Variants in FAM8A1 observed in about 807,000 individuals in gnomAD.
FAM8A1 encodes the protein protein FAM8A1.
Under a neutral mutation model 38.3 loss-of-function variants are expected in FAM8A1, and 18 were observed. The observed-to-expected ratio is 0.47, with a 90% CI of 0.33 to 0.70. The LOEUF (loss-of-function observed/expected upper bound fraction) is 0.70. FAM8A1 is among the 30% of genes least tolerant of loss of function. FAM8A1 has a pLI of 0.03. For missense variants in FAM8A1, 559 were observed against 559.6 expected, an observed-to-expected ratio of 1.00 and a Z score of 0.01; for synonymous variants, 246 against 234.4, an observed-to-expected ratio of 1.05 and a Z score of -0.45.
intron 1 of FAM8A1, 26 bp from the exon 2 acceptor site, chr6:17,602,564 A>G (rs1581639871): frequency 1.4e-6 from 2 of 1,417,692 alleles, no homozygotes; most frequent in Non-Finnish European, 1.9e-6. Context: ...CGTTTTTCCT[A>G]ACTTTTTTTT....
chr6:17,606,025 T>C lies in FAM8A1; in HGVS notation c.1097+12T>C. ...GTTAGCATTACAACGTAAGTCCTTT[T>C]CTTAGCTTAATCTACTACATACTTA... is the stretch of plus-strand genomic sequence containing the variant. On this transcript the variant is annotated intron_variant, in intron 4 of 4. Transcript: ENST00000259963. 6.7e-7 allele frequency: 1 copy of C among 1,493,258 alleles called. No individual in the cohort carries two copies. The highest frequency in any genetic ancestry group is 1.3e-5 in the South Asian group (1 of 77,256). 92.5% of individuals were successfully genotyped at this position (1,493,258 alleles called of 1,614,324 possible).
In FAM8A1 at chr6:17,605,112, G is replaced by C; in HGVS notation, c.957+83G>C. The C allele has an allele frequency of 2.4e-6, 3 of 1,251,214 alleles. No individual in the cohort carries two copies. In the African/African-American group the frequency reaches 4.6e-5, roughly 19 times the overall value. The allele number at this position is 1,251,214 out of a possible 1,614,324, so 77.5% of individuals were successfully genotyped here. A position where few individuals can be genotyped will look rare whatever the true frequency, so the allele number is the denominator to read the frequency against. On this transcript the variant is annotated intron_variant, in intron 3 of 4. Coordinates refer to ENST00000259963, the MANE Select transcript of FAM8A1 (RefSeq NM_016255.3). ...ATTTATTTTTTTGAGACAGAGTCTC[G>C]CTCTGTCACCCAGGCTGGAGTGCAG...
chr6:17,600,360 AG>A lies in FAM8A1; in HGVS notation c.-47del, dbSNP rs1008652594. The A allele has an allele frequency of 1.8e-5, 24 of 1,332,576 alleles. No individual in the cohort carries two copies. The highest frequency in any genetic ancestry group is 2.3e-5 in the Non-Finnish European group (24 of 1,039,740). 82.5% of individuals were successfully genotyped at this position (1,332,576 alleles called of 1,614,324 possible). A position where few individuals can be genotyped will look rare whatever the true frequency, so the allele number is the denominator to read the frequency against. On this transcript the variant is annotated 5_prime_UTR_variant, in exon 1 of 5. Coordinates refer to ENST00000259963, the MANE Select transcript of FAM8A1 (RefSeq NM_016255.3). ...GCTGTTGGGGAGGGGCCATTGGGGG[AG>A]GGAAACGGAGCAGTGACAGGTATCC...
Position 17,601,067 on chromosome 6 carries a change from A to C in FAM8A1, c.658A>C (p.Arg220=). Residue 220 remains arginine (R), a synonymous_variant, in exon 1 of 5, where the codon AGG becomes CGG. Coordinates refer to ENST00000259963, the MANE Select transcript of FAM8A1 (RefSeq NM_016255.3). ...QASVRATPVT[R]VGSAAPSRSP... ...GTCGGTCCGGGCCACTCCAGTGACG[A>C]GGGTAGGATCCGCAGCCCCTTCGCG... The C allele has an allele frequency of 1.3e-6, 2 of 1,598,964 alleles. No homozygotes were observed. The highest frequency in any genetic ancestry group is 1.7e-6 in the Non-Finnish European group (2 of 1,175,322).
At chr6:17,604,255 A>G (rs1303195777) in intron 2 of FAM8A1, among the ~76,000 whole-genome samples, 1 of 152,036 alleles carries the variant, frequency 6.6e-6, no homozygotes, top group Non-Finnish European at 1.5e-5. Flanking sequence ...TCTGAATTTC[A>G]TCATGTGGTT....
rs189307071 is a variant in FAM8A1 at position 17,610,749 on chromosome 6, T to G, written c.*2410T>G. ...AAGTTGTCTTCATTGTACAAACATA[T>G]TCATCACTTTAACAATAAGGGAACA... On this transcript the variant is annotated 3_prime_UTR_variant, in exon 5 of 5. Coordinates refer to ENST00000259963, the MANE Select transcript of FAM8A1 (RefSeq NM_016255.3). The G allele has an allele frequency of 2.6e-5, 4 of 152,272 alleles. No individual in the cohort carries two copies. The East Asian group carries it at 7.7e-4, about 29-fold the overall frequency. The allele number at this position is 152,272 out of a possible 1,614,324, so 9.4% of individuals were successfully genotyped here.
In FAM8A1 at chr6:17,604,587, A is replaced by G. The variant is rs529043345; in HGVS notation, c.834-319A>G. ...GTTTCCATAGTATCCTAGGTTCCCCATCACAGCACTCATCCCACTTTATTA... is the reference window on the plus strand; with the variant it reads ...GTTTCCATAGTATCCTAGGTTCCCCGTCACAGCACTCATCCCACTTTATTA... On this transcript the variant is annotated intron_variant, in intron 2 of 4. Coordinates refer to ENST00000259963, the MANE Select transcript of FAM8A1 (RefSeq NM_016255.3). Among the ~76,000 whole-genome samples, 14 of 152,302 alleles carry G rather than the reference A, an allele frequency of 9.2e-5. 1 individual carries two copies. The highest frequency in any genetic ancestry group is 3.4e-4 in the African/African-American group (14 of 41,556).
intron 4 of FAM8A1, 34 bp downstream of exon 4, chr6:17,606,047 C>A (rs760948246): frequency 1.4e-6 from 2 of 1,446,176 alleles, no homozygotes; most frequent in South Asian, 1.5e-5. Flanking sequence ...CTACTACATA[C>A]TTAATGAAAA....
At chr6:17,606,788 G>A (rs1191768192) in intron 4 of FAM8A1, among the ~76,000 whole-genome samples, 1 of 152,152 alleles carries the variant, frequency 6.6e-6, no homozygotes, top group African/African-American at 2.4e-5. Flanking sequence ...AGCGCTGGGG[G>A]AAGGTACAAC....
intron 1 of FAM8A1, 35 bp from the exon 2 acceptor site, chr6:17,602,555 G>A (rs761202887): frequency 4.2e-6 from 6 of 1,441,964 alleles, no homozygotes; most frequent in South Asian, 1.4e-5. Flanking sequence ...GAAATGATTC[G>A]TTTTTCCTAA....
At position 17,601,019 on chromosome 6, in the gene FAM8A1, C is replaced by T. The variant is rs1177685966; in HGVS notation, c.610C>T (p.Pro204Ser). ...CCCTGCTCCAGTCGCGGGCCTGGGA[C>T]CCCGGGCTCCTCACGTGCAGGCGTC... ...STPAPVAGLGPRAPHVQASVR... is the reference protein window; with the variant it reads ...STPAPVAGLGSRAPHVQASVR... The change falls in exon 1 of 5, where the codon CCC (proline) becomes TCC (serine). Residue 204 changes from proline to serine, a missense_variant. By Grantham distance (74) the Pro-to-Ser change is moderately conservative (BLOSUM62 -1). This residue lies in a region of FAM8A1 where 393 missense variants were observed against 338.9 expected (regional missense o/e 1.16). Coordinates refer to ENST00000259963, the MANE Select transcript of FAM8A1 (RefSeq NM_016255.3). 2 of 1,587,982 alleles carry T rather than the reference C, an allele frequency of 1.3e-6. No individual in the cohort carries two copies. Among genetic ancestry groups the T allele is most frequent in the East Asian group, 4.5e-5 (2 of 43,974 alleles).
Position 17,600,881 on chromosome 6 carries a change from G to A in FAM8A1, c.472G>A (p.Val158Ile). 6.2e-7 allele frequency: 1 copy of A among 1,604,328 alleles called. No individual in the cohort carries two copies. The highest frequency in any genetic ancestry group is 8.5e-7 in the Non-Finnish European group (1 of 1,177,510). The change falls in exon 1 of 5, where the codon GTC becomes ATC. Residue 158 changes from valine (V) to isoleucine (I), a missense_variant. Physicochemically the swap from Val to Ile is conservative, Grantham distance 29. Around this residue, in one of 2 missense-constraint regions of FAM8A1, gnomAD observed 393 missense variants for 338.9 expected, o/e 1.16. Transcript: ENST00000259963. The stretch of plus-strand genomic sequence containing the variant: ...GAGCTTCCCTTCGGGCGGCGCTGCA[G>A]TCCCCCAGGCCGCGGCGCCGCCGCC... Reference protein sequence around the residue: ...PQSFPSGGAAVPQAAAPPPPQ... With the variant: ...PQSFPSGGAAIPQAAAPPPPQ...
At chr6:17,607,609 A>C (rs17330323) in intron 4 of FAM8A1, among the ~76,000 whole-genome samples, 34,229 of 152,012 alleles carry the variant, frequency 0.23, 4,517 homozygotes, top group Non-Finnish European at 0.29. Context: ...ATCTGAATTT[A>C]ACTAGTCTGG....
chr6:17,602,941 T>C (rs1343834048), intron 2 of FAM8A1, among the ~76,000 whole-genome samples: 2 of 152,214 alleles, frequency 1.3e-5, no homozygotes, highest in African/African-American at 2.4e-5. Flanking sequence ...ATCTCACCTA[T>C]CAAAAATAGG....
rs1180833175 is a variant in FAM8A1, at chr6:17,606,091, C to T, written c.1097+78C>T. On this transcript the variant is annotated intron_variant, in intron 4 of 4. Transcript: ENST00000259963. Reference sequence around the variant, plus strand: ...TTTAGAATATTGGGGTTTTTTTCTTCATAGTAGATAGGCTTATATTTATTA... The same window carrying T: ...TTTAGAATATTGGGGTTTTTTTCTTTATAGTAGATAGGCTTATATTTATTA... 9 of 1,093,084 alleles carry T rather than the reference C, an allele frequency of 8.2e-6. No homozygotes were observed. In the African/African-American group the frequency reaches 1.4e-4, roughly 18 times the overall value. 67.7% of individuals were successfully genotyped at this position (1,093,084 alleles called of 1,614,324 possible).
rs1207012255 is a variant in FAM8A1, at chr6:17,600,374, G to A, written c.-36G>A. 1 of 1,358,048 alleles carries A rather than the reference G, an allele frequency of 7.4e-7. No homozygotes were observed. Among genetic ancestry groups the A allele is most frequent in the Non-Finnish European group, 9.5e-7 (1 of 1,053,540 alleles). 84.1% of individuals were successfully genotyped at this position (1,358,048 alleles called of 1,614,324 possible). A position where few individuals can be genotyped will look rare whatever the true frequency, so the allele number is the denominator to read the frequency against. On this transcript the variant is annotated 5_prime_UTR_variant, in exon 1 of 5. In the 5' UTR this introduces an upstream ATG that the reference lacks. Coordinates refer to ENST00000259963, the MANE Select transcript of FAM8A1 (RefSeq NM_016255.3). ...GCCATTGGGGGAGGGAAACGGAGCAGTGACAGGTATCCCAGAGGGTGCTGC... is the reference window on the plus strand; with the variant it reads ...GCCATTGGGGGAGGGAAACGGAGCAATGACAGGTATCCCAGAGGGTGCTGC...
chr6:17,600,880 A>C lies in FAM8A1; in HGVS notation c.471A>C (p.Ala157=). ...SPQSFPSGGA[A]VPQAAAPPPP... ...AGAGCTTCCCTTCGGGCGGCGCTGCAGTCCCCCAGGCCGCGGCGCCGCCGC... is the reference window on the plus strand; with the variant it reads ...AGAGCTTCCCTTCGGGCGGCGCTGCCGTCCCCCAGGCCGCGGCGCCGCCGC... The change falls in exon 1 of 5, where the codon GCA becomes GCC. Residue 157 remains alanine (A), a synonymous_variant. Coordinates refer to ENST00000259963, the MANE Select transcript of FAM8A1 (RefSeq NM_016255.3). 1 of 1,586,374 alleles carries C rather than the reference A, an allele frequency of 6.3e-7. No homozygotes were observed. Among genetic ancestry groups the C allele is most frequent in the Non-Finnish European group, 8.6e-7 (1 of 1,169,052 alleles).
rs1210557510 is a variant in FAM8A1, at chr6:17,611,353, T to C, written c.*3014T>C. 6 of 152,580 alleles carry C rather than the reference T, an allele frequency of 3.9e-5. No individual in the cohort carries two copies. Among genetic ancestry groups the C allele is most frequent in the Non-Finnish European group, 8.8e-5 (6 of 68,006 alleles). 9.5% of individuals were successfully genotyped at this position (152,580 alleles called of 1,614,324 possible). A position where few individuals can be genotyped will look rare whatever the true frequency, so the allele number is the denominator to read the frequency against. ...TAGTTGCTACTTGGGAATAAAGGGC[T>C]TTTTGAGGGGGGTATGGATATTAAA... On this transcript the variant is annotated 3_prime_UTR_variant, in exon 5 of 5. Coordinates refer to ENST00000259963, the MANE Select transcript of FAM8A1 (RefSeq NM_016255.3).
chr6:17,604,862 C>A, intron 2 of FAM8A1, 44 bp from the exon 3 acceptor site: 3 of 1,498,960 alleles, frequency 2.0e-6, no homozygotes, highest in Non-Finnish European at 2.7e-6. Context: ...TGCTACTGTT[C>A]TGGTAACTAA....
Sources: gnomAD v4.1 joint callset for allele counts (sites outside exome capture counted in the v4.1 genomes callset) on GRCh38, gnomAD v4.1.1 for gene constraint, gnomAD v4.1.1 regional missense constraint, MANE v1.5 for transcripts, NCBI Gene and HGNC (gene_info 2026-07-23, HGNC 2026-07-21) for gene names.